The following RIMS2 variants were observed in gnomAD, a reference collection of about 807,000 sequenced individuals.
RIMS2 encodes the protein regulating synaptic membrane exocytosis 2.
A neutral mutation model predicts 174.4 loss-of-function variants in RIMS2; 59 were observed. That is an observed-to-expected ratio of 0.34 (90% confidence interval 0.27 to 0.42). The LOEUF (loss-of-function observed/expected upper bound fraction) is 0.42. Ranked by LOEUF, RIMS2 falls within the 10% of genes least tolerant of loss-of-function variation. The pLI is 1.00. For missense variants in RIMS2, 1,620 were observed against 1,666.3 expected (o/e 0.97, Z 0.48); for synonymous variants, 606 against 572.5 (o/e 1.06, Z -0.84).
chr8:103,734,014 C>CTTTTTTTTT lies in RIMS2; in HGVS notation c.388-32196_388-32188dup, dbSNP rs59348302. On this transcript the variant is annotated intron_variant, in intron 2 of 23. Transcript: ENST00000504942. ...CTTGCTTTACCTCTCCTAAAAGCTTCTTTTTTTTTTTTTTTTTTTTTTTTT... is the reference window on the plus strand; with the variant it reads ...CTTGCTTTACCTCTCCTAAAAGCTTCTTTTTTTTTTTTTTTTTTTTTTTTTTTTTTTTTT... Among the ~76,000 whole-genome samples, 599 of 85,696 alleles carry CTTTTTTTTT rather than the reference C, an allele frequency of 7.0e-3. 26 individuals are homozygous for CTTTTTTTTT. The highest frequency in any genetic ancestry group is 8.4e-3 in the Non-Finnish European group (417 of 49,404). The allele number at this position is 85,696 out of a possible 152,430, so 56.2% of individuals were successfully genotyped here.
At chr8:103,609,004 C>G (rs1353428504) in intron 1 of RIMS2, among the ~76,000 whole-genome samples, 1 of 152,218 alleles carries the variant, frequency 6.6e-6, no homozygotes, top group Non-Finnish European at 1.5e-5. Context: ...ATTCGGCCAT[C>G]TTGGCTCCTC....
intron 19 of RIMS2, among the ~76,000 whole-genome samples, chr8:104,066,298 C>T (rs2154561014): frequency 6.6e-6 from 1 of 152,176 alleles, no homozygotes; most frequent in East Asian, 1.9e-4. Flanking sequence ...ATATAGCTTT[C>T]CTAGGATGTT....
intron 3 of RIMS2, among the ~76,000 whole-genome samples, chr8:103,842,597 A>C (rs930531024): frequency 6.6e-6 from 1 of 152,170 alleles, no homozygotes; most frequent in Non-Finnish European, 1.5e-5. Context: ...AAATGTACCA[A>C]CTTTTCTAAG....
In RIMS2 at chr8:104,122,822, A is replaced by G. The variant is rs192936212; in HGVS notation, c.3334+108207A>G. On this transcript the variant is annotated intron_variant, in intron 19 of 23. Transcript: ENST00000504942. ...TTCCACCTTCAGATTATTTTAAACT[A>G]TTAACTCTTCAAATGTTTACATTTT... Among the ~76,000 whole-genome samples the G allele has an allele frequency of 3.4e-4, 52 of 152,248 alleles. 2 individuals carry two copies. The East Asian group carries it at 8.1e-3, about 24-fold the overall frequency.
At chr8:104,196,716 C>T (rs1025636820) in intron 19 of RIMS2, among the ~76,000 whole-genome samples, 1 of 152,060 alleles carries the variant, frequency 6.6e-6, no homozygotes, top group East Asian at 1.9e-4. Flanking sequence ...CTTAAACTTA[C>T]ATTTCACAAT....
At chr8:104,113,220 TA>T (rs2131866972) in intron 19 of RIMS2, among the ~76,000 whole-genome samples, 1 of 152,260 alleles carries the variant, frequency 6.6e-6, no homozygotes, top group South Asian at 2.1e-4. Context: ...GGGAGCTTTT[TA>T]AAAACATAAA....
chr8:104,002,325 C>A lies in RIMS2; in HGVS notation c.3045-11117C>A, dbSNP rs149308565. 3.2e-3 allele frequency among the ~76,000 whole-genome samples: 486 copies of A among 152,150 alleles called. 3 individuals are homozygous for A. Among genetic ancestry groups the A allele is most frequent in the Non-Finnish European group, 5.1e-3 (347 of 67,962 alleles). On this transcript the variant is annotated intron_variant, in intron 17 of 23. Coordinates refer to ENST00000504942, the Ensembl canonical transcript of RIMS2. ...CTACTTACATATCCAGAAGTTGAAT[C>A]CATTCTCAAAAATATCCTCAATTCT...
At chr8:104,230,555 A>G (rs2099220957) in intron 19 of RIMS2, among the ~76,000 whole-genome samples, 1 of 152,170 alleles carries the variant, frequency 6.6e-6, no homozygotes, top group Admixed American at 6.5e-5. Context: ...CTGAGGCATG[A>G]GAATCGCTTG....
intron 3 of RIMS2, among the ~76,000 whole-genome samples, chr8:103,845,344 TTAG>T (rs1356351205): frequency 6.6e-6 from 1 of 152,118 alleles, no homozygotes; most frequent in Admixed American, 6.6e-5. Context: ...TCTTTCATTA[TTAG>T]GAAACTGCCA....
intron 19 of RIMS2, among the ~76,000 whole-genome samples, chr8:104,123,781 A>G (rs2132481364): frequency 6.6e-6 from 1 of 152,248 alleles, no homozygotes; most frequent in South Asian, 2.1e-4. Flanking sequence ...GCACTATAAT[A>G]TAAAATTACT....
chr8:104,022,577 C>T (rs1597287873), intron 19 of RIMS2, among the ~76,000 whole-genome samples: 1 of 152,024 alleles, frequency 6.6e-6, no homozygotes, highest in African/African-American at 2.4e-5. Flanking sequence ...AGACGGGTTT[C>T]ACTACCTTGG....
At chr8:103,757,680 A>G (rs2098042353) in intron 2 of RIMS2, among the ~76,000 whole-genome samples, 1 of 152,204 alleles carries the variant, frequency 6.6e-6, no homozygotes, top group Non-Finnish European at 1.5e-5. Flanking sequence ...TGCAGGTGTG[A>G]TACAGTAAAG....
At chr8:103,766,578 T>G (rs1389944600) in intron 3 of RIMS2, 41 bp downstream of exon 6, 1 of 1,324,520 alleles carries the variant, frequency 7.5e-7, no homozygotes, top group African/African-American at 1.5e-5. Context: ...GTATTACTTT[T>G]AGTCTTCATT....
chr8:103,612,807 T>G, intron 1 of RIMS2, among the ~76,000 whole-genome samples: 1 of 152,100 alleles, frequency 6.6e-6, no homozygotes, highest in Non-Finnish European at 1.5e-5. Context: ...CCTGACCTCA[T>G]GATCCGCCTG....
chr8:103,847,879 T>C (rs1368361902), intron 3 of RIMS2, among the ~76,000 whole-genome samples: 1 of 152,076 alleles, frequency 6.6e-6, no homozygotes, highest in African/African-American at 2.4e-5. Context: ...ATTCTACTTA[T>C]GGAGGTGGGT....
intron 2 of RIMS2, among the ~76,000 whole-genome samples, chr8:103,750,823 G>A (rs2097879375): frequency 6.6e-6 from 1 of 152,242 alleles, no homozygotes; most frequent in Non-Finnish European, 1.5e-5. Context: ...AAGTGGAACT[G>A]TGAGTCAATT....
At chr8:103,717,710 AC>A in intron 2 of RIMS2, among the ~76,000 whole-genome samples, 2 of 152,208 alleles carry the variant, frequency 1.3e-5, no homozygotes, top group African/African-American at 4.8e-5. Context: ...CTAAATATTG[AC>A]TACAAGATAA....
Position 103,842,595 on chromosome 8 carries a change from C to T in RIMS2, c.699-42703C>T, listed in dbSNP as rs562019383. Among the ~76,000 whole-genome samples the T allele has an allele frequency of 5.3e-5, 8 of 152,060 alleles. 1 individual carries two copies. The East Asian group carries it at 1.5e-3, about 29-fold the overall frequency. ...GTTTAATTACTATGTCAAAATGTACCAACTTTTCTAAGACTTATGTGTAAT... is the reference window on the plus strand; with the variant it reads ...GTTTAATTACTATGTCAAAATGTACTAACTTTTCTAAGACTTATGTGTAAT... On this transcript the variant is annotated intron_variant, in intron 3 of 23. Transcript: ENST00000504942.
chr8:104,211,113 A>G (rs1467075551), intron 19 of RIMS2, among the ~76,000 whole-genome samples: 2 of 152,186 alleles, frequency 1.3e-5, no homozygotes, highest in Non-Finnish European at 2.9e-5. Context: ...AACATGTTCT[A>G]TATATTAGGC....
Sources: allele counts gnomAD v4.1 joint callset (sites outside exome capture counted in the v4.1 genomes callset), GRCh38; gene constraint gnomAD v4.1.1; transcripts MANE v1.5; gene names NCBI Gene and HGNC (gene_info 2026-07-23, HGNC 2026-07-21).